The following FANK1 variants were observed in gnomAD, a reference collection of about 807,000 sequenced individuals.
FANK1 encodes fibronectin type III and ankyrin repeat domains 1, also known as fibronectin type 3 and ankyrin repeat domains protein 1.
Under a neutral mutation model 45.3 loss-of-function variants are expected in FANK1, and 44 were observed. The ratio of observed to expected loss-of-function variants is 0.97; its 90% CI spans 0.76 to 1.25. The LOEUF is 1.25. FANK1 is among the 50% of genes most tolerant of loss of function. The pLI is 0.00. For missense variants in FANK1, 391 were observed against 424.4 expected (o/e 0.92, Z 0.69); for synonymous variants, 149 against 152.5 (o/e 0.98, Z 0.17).
At chr10:125,945,460 T>C (rs572852533) in intron 1 of FANK1, among the ~76,000 whole-genome samples, 1,972 of 152,094 alleles carry the variant, frequency 0.013, 42 homozygotes, top group African/African-American at 0.045. Context: ...GGTCAGGGAG[T>C]TCCCTTTCCG....
intron 1 of FANK1, among the ~76,000 whole-genome samples, chr10:125,963,472 A>G (rs1950041765): frequency 1.3e-5 from 2 of 152,194 alleles, no homozygotes. Flanking sequence ...CACTATTCAC[A>G]ATAGCAAAGA....
intron 1 of FANK1, among the ~76,000 whole-genome samples, chr10:125,957,935 T>A (rs949775795): frequency 1.3e-5 from 2 of 152,156 alleles, no homozygotes; most frequent in Non-Finnish European, 2.9e-5. Context: ...CTTTTACATT[T>A]TTAATTGACT....
intron 3 of FANK1, among the ~76,000 whole-genome samples, chr10:125,989,900 A>C (rs1390217946): frequency 6.6e-6 from 1 of 152,196 alleles, no homozygotes; most frequent in Admixed American, 6.5e-5. Context: ...GGGCAACCCC[A>C]GCCAGGATGC....
chr10:125,914,085 T>TCTAAATTAAGTTCTTAAATTA (rs1946250586), intron 1 of FANK1, among the ~76,000 whole-genome samples: 1 of 152,064 alleles, frequency 6.6e-6, no homozygotes, highest in Non-Finnish European at 1.5e-5. Flanking sequence ...TAAGAACCAT[T>TCTAAATTAAGTTCTTAAATTA]AGAACTCTTC....
intron 1 of FANK1, among the ~76,000 whole-genome samples, chr10:125,933,799 T>G (rs1352498711): frequency 2.6e-5 from 4 of 152,160 alleles, no homozygotes; most frequent in Non-Finnish European, 2.9e-5. Flanking sequence ...AGCACCACCT[T>G]TGCTGTATCC....
chr10:125,919,902 A>C (rs984181433), intron 1 of FANK1, among the ~76,000 whole-genome samples: 3 of 150,332 alleles, frequency 2.0e-5, no homozygotes, highest in Non-Finnish European at 4.4e-5. Context: ...TAACCTTCTT[A>C]TTTGTTTCTG....
At chr10:125,944,504 G>T (rs1468730543) in intron 1 of FANK1, among the ~76,000 whole-genome samples, 1 of 152,016 alleles carries the variant, frequency 6.6e-6, no homozygotes, top group African/African-American at 2.4e-5. Context: ...TTGGGAGCAG[G>T]CCCCCCAAAA....
chr10:125,905,168 T>C (rs979032000), intron 1 of FANK1, among the ~76,000 whole-genome samples: 4 of 151,804 alleles, frequency 2.6e-5, no homozygotes, highest in East Asian at 1.9e-4. Context: ...AACGTTTCTG[T>C]AGCCTGTAGT....
chr10:125,949,798 G>C (rs1384465701), intron 1 of FANK1, among the ~76,000 whole-genome samples: 152 of 137,880 alleles, frequency 1.1e-3, no homozygotes, highest in South Asian at 1.4e-3. Context: ...AAAAGAGCCT[G>C]CATCGCCAAG....
chr10:125,901,935 A>G (rs1945070984), intron 1 of FANK1, among the ~76,000 whole-genome samples: 2 of 152,246 alleles, frequency 1.3e-5, no homozygotes, highest in Non-Finnish European at 2.9e-5. Context: ...AGTCTGGCCA[A>G]CTGGCGAAAC....
rs1944783076 is a variant in FANK1, at chr10:125,898,719, GA to G, written c.13+2067del. ...TCAGAAAGGTTCTGTAACCATGTGA[GA>G]AATGTATTACTTATGTGAACTATAC... On this transcript the variant is annotated intron_variant, in intron 1 of 10. Transcript: ENST00000368693. 5.3e-5 allele frequency among the ~76,000 whole-genome samples: 8 copies of G among 152,180 alleles called. No individual in the cohort carries two copies. The South Asian group carries it at 1.7e-3, about 32-fold the overall frequency.
chr10:125,898,376 G>A (rs1353807392), intron 1 of FANK1, among the ~76,000 whole-genome samples: 1 of 151,996 alleles, frequency 6.6e-6, no homozygotes, highest in African/African-American at 2.4e-5. Context: ...GTCATCCCAG[G>A]AAAACTAAGC....
intron 3 of FANK1, among the ~76,000 whole-genome samples, chr10:125,991,278 T>TGTGTGTGTGTGTGTG (rs60170742): frequency 3.4e-5 from 5 of 147,070 alleles, no homozygotes; most frequent in African/African-American, 1.0e-4. Flanking sequence ...TGTGTGTGTG[T>TGTGTGTGTGTGTGTG]TGGGGGAGTG....
intron 1 of FANK1, among the ~76,000 whole-genome samples, chr10:125,936,169 A>G (rs941695537): frequency 2.6e-5 from 4 of 152,250 alleles, no homozygotes; most frequent in Non-Finnish European, 5.9e-5. Context: ...ACCAGACTTC[A>G]TAAGGCTATA....
At chr10:126,002,210 G>A (rs981841529) in intron 6 of FANK1, among the ~76,000 whole-genome samples, 7 of 152,044 alleles carry the variant, frequency 4.6e-5, no homozygotes, top group Non-Finnish European at 1.0e-4. Flanking sequence ...TACTTGAGGG[G>A]CTGAATCAGG....
chr10:125,940,761 G>A (rs1948401233), intron 1 of FANK1, among the ~76,000 whole-genome samples: 1 of 152,194 alleles, frequency 6.6e-6, no homozygotes, highest in Admixed American at 6.5e-5. Flanking sequence ...AGGCTTTCTT[G>A]GGCAGAGGTA....
chr10:126,003,149 G>T (rs1244693862), intron 6 of FANK1, among the ~76,000 whole-genome samples: 5 of 150,418 alleles, frequency 3.3e-5, no homozygotes, highest in Non-Finnish European at 7.4e-5. Flanking sequence ...TTTGAGGAGA[G>T]CAGACCAGTT....
chr10:125,924,242 G>A (rs1589875241), intron 1 of FANK1, among the ~76,000 whole-genome samples: 1 of 151,336 alleles, frequency 6.6e-6, no homozygotes, highest in East Asian at 1.9e-4. Context: ...CTGATTTATT[G>A]ACTGATGCTT....
intron 1 of FANK1, among the ~76,000 whole-genome samples, chr10:125,901,567 G>A (rs1367623283): frequency 3.5e-4 from 54 of 152,290 alleles, no homozygotes; most frequent in African/African-American, 1.3e-3. Context: ...TATGCTTCAA[G>A]CACATTGGTC....
Sources: allele counts gnomAD v4.1 joint callset (sites outside exome capture counted in the v4.1 genomes callset), GRCh38; gene constraint gnomAD v4.1.1; transcripts MANE v1.5; gene names NCBI Gene and HGNC (gene_info 2026-07-23, HGNC 2026-07-21).